The following MMRN1 variants were observed in gnomAD, a reference collection of about 807,000 sequenced individuals.
MMRN1 encodes multimerin-1.
MMRN1 carries 94 observed loss-of-function variants against 100.7 expected under a neutral mutation model. That is an observed-to-expected ratio of 0.93 (90% confidence interval 0.79 to 1.11). The LOEUF is 1.11. MMRN1 is among the 50% of genes least tolerant of loss of function. The probability of loss-of-function intolerance (pLI) is 0.00; values close to 1 mark genes in which losing one functional copy is unlikely to be tolerated. For synonymous variants in MMRN1, 575 were observed against 505.0 expected, an observed-to-expected ratio of 1.14 and a Z score of -1.86; for missense variants, 1,606 against 1,439.1, an observed-to-expected ratio of 1.12 and a Z score of -1.88.
intron 6 of MMRN1, among the ~76,000 whole-genome samples, chr4:89,947,502 T>C (rs962377120): frequency 3.3e-5 from 5 of 152,170 alleles, no homozygotes; most frequent in Admixed American, 6.5e-5. Context: ...AAGGTTGATA[T>C]GAAGTTTAAG....
intron 1 of MMRN1, among the ~76,000 whole-genome samples, chr4:89,889,656 C>T (rs79994234): frequency 0.046 from 6,937 of 152,090 alleles, 217 homozygotes; most frequent in African/African-American, 0.082. Context: ...ATGTGCTGTG[C>T]CCTCTTCCCC....
chr4:89,886,593 T>A (rs991491525), intron 1 of MMRN1, among the ~76,000 whole-genome samples: 15 of 152,306 alleles, frequency 9.8e-5, no homozygotes, highest in African/African-American at 3.4e-4. Context: ...ATATCATTGC[T>A]GATTATGTGA....
At chr4:89,885,607 T>G (rs1356733698) in intron 1 of MMRN1, among the ~76,000 whole-genome samples, 1 of 152,128 alleles carries the variant, frequency 6.6e-6, no homozygotes, top group Non-Finnish European at 1.5e-5. Flanking sequence ...GTTTTCTAAA[T>G]GTCTCTTTCT....
chr4:89,938,078 A>C (rs1722702465), intron 6 of MMRN1, among the ~76,000 whole-genome samples: 1 of 151,884 alleles, frequency 6.6e-6, no homozygotes. Context: ...ATTTCTTTTT[A>C]ATTACAAAGG....
At chr4:89,942,691 C>T (rs748097943) in intron 6 of MMRN1, among the ~76,000 whole-genome samples, 1 of 151,888 alleles carries the variant, frequency 6.6e-6, no homozygotes, top group Non-Finnish European at 1.5e-5. Context: ...CATGAAACTC[C>T]ATTGATATCA....
chr4:89,925,570 G>T (rs193035552), intron 4 of MMRN1, among the ~76,000 whole-genome samples: 1 of 150,974 alleles, frequency 6.6e-6, no homozygotes. Context: ...GGTGGCTCAC[G>T]CCTGTAATCC....
chr4:89,944,173 T>C (rs929983461), intron 6 of MMRN1, among the ~76,000 whole-genome samples: 3 of 152,208 alleles, frequency 2.0e-5, no homozygotes, highest in African/African-American at 7.2e-5. Context: ...TATTCAATTT[T>C]TGACTTTTGT....
Position 89,935,570 on chromosome 4 carries a change from T to C in MMRN1, c.1890T>C (p.Asn630=). 2.5e-6 allele frequency: 4 copies of C among 1,613,492 alleles called. No individual in the cohort carries two copies. Among genetic ancestry groups the C allele is most frequent in the Non-Finnish European group, 3.4e-6 (4 of 1,179,742 alleles). Residue 630 remains asparagine (N), a synonymous_variant, in exon 6 of 8, where the codon AAT becomes AAC. Transcript: ENST00000264790. The stretch of plus-strand genomic sequence containing the variant: ...CTGAAGTTCTCTTTCCAATGGACAA[T>C]AAGATGGACAAAATGAGTGAGCAAC... ...TLAEVLFPMD[N]KMDKMSEQLN... is the part of the protein sequence containing the mutation.
rs765305847 is a variant in MMRN1 at position 89,895,522 on chromosome 4, T to G, written c.551T>G (p.Leu184Arg). Reference protein sequence around the residue: ...VGNRAPRETYLSRGDSSSSQR... With the variant: ...VGNRAPRETYRSRGDSSSSQR... ...AATCGAGCCCCACGGGAAACATACC[T>G]CAGCCGGGGTGACAGCAGTTCCAGC... is the stretch of plus-strand genomic sequence containing the variant. Residue 184 changes from leucine (L) to arginine (R), a missense_variant, in exon 1 of 8, where the codon CTC (leucine) becomes CGC (arginine). Physicochemically the swap from Leu to Arg is moderately radical, Grantham distance 102 (BLOSUM62 -2). Coordinates refer to ENST00000264790, the MANE Select transcript of MMRN1 (RefSeq NM_007351.3). The G allele has an allele frequency of 3.1e-5, 50 of 1,613,750 alleles. No individual in the cohort carries two copies. The highest frequency in any genetic ancestry group is 1.2e-4 in the Admixed American group (7 of 59,970).
intron 5 of MMRN1, among the ~76,000 whole-genome samples, chr4:89,932,955 TTCA>T (rs1485925434): frequency 6.6e-6 from 1 of 152,194 alleles, no homozygotes; most frequent in East Asian, 1.9e-4. Context: ...TCTTTTCTAT[TTCA>T]TCATCAGCCT....
chr4:89,946,915 A>G (rs1162616582), intron 6 of MMRN1, among the ~76,000 whole-genome samples: 2 of 152,020 alleles, frequency 1.3e-5, no homozygotes, highest in Non-Finnish European at 2.9e-5. Context: ...ATCTCCATTA[A>G]AAAAAATGGA....
intron 3 of MMRN1, among the ~76,000 whole-genome samples, chr4:89,912,999 A>ATTTATATATT: frequency 6.6e-6 from 1 of 151,260 alleles, no homozygotes; most frequent in African/African-American, 2.4e-5. Context: ...TTATATTCAG[A>ATTTATATATT]CTACAGAATG....
chr4:89,894,761 C>T, upstream of MMRN1: 1 of 707,634 alleles, frequency 1.4e-6, no homozygotes, highest in Non-Finnish European at 2.1e-6. Context: ...ATAGAGCCAT[C>T]CCACTAGAGG....
At chr4:89,900,154 G>A (rs1257871753) in intron 1 of MMRN1, among the ~76,000 whole-genome samples, 2 of 152,034 alleles carry the variant, frequency 1.3e-5, no homozygotes, top group Non-Finnish European at 2.9e-5. Context: ...GAAGGCAATG[G>A]CAACAACTGC....
intron 3 of MMRN1, among the ~76,000 whole-genome samples, chr4:89,914,816 A>C (rs1721862396): frequency 6.6e-6 from 1 of 151,580 alleles, no homozygotes. Flanking sequence ...AATATTCTGA[A>C]GTGGAACAAG....
At chr4:89,918,645 G>A (rs1721994937) in intron 3 of MMRN1, among the ~76,000 whole-genome samples, 1 of 151,702 alleles carries the variant, frequency 6.6e-6, no homozygotes, top group Admixed American at 6.6e-5. Context: ...GTGTTTACTT[G>A]ATAACACATT....
intron 3 of MMRN1, among the ~76,000 whole-genome samples, chr4:89,921,077 C>T (rs1023757253): frequency 3.3e-5 from 5 of 152,070 alleles, no homozygotes; most frequent in Admixed American, 6.6e-5. Flanking sequence ...ATTATCTTTG[C>T]TTTCACTATA....
chr4:89,931,475 T>C (rs1722432253), intron 5 of MMRN1, among the ~76,000 whole-genome samples: 1 of 152,158 alleles, frequency 6.6e-6, no homozygotes, highest in Non-Finnish European at 1.5e-5. Flanking sequence ...CTGTCTAAAA[T>C]GCTTTGCATT....
chr4:89,893,018 T>G (rs546482510), upstream of MMRN1, among the ~76,000 whole-genome samples: 1 of 152,220 alleles, frequency 6.6e-6, no homozygotes, highest in East Asian at 1.9e-4. Flanking sequence ...ATGAAATTAC[T>G]GCTCTTCCAT....
Sources: allele counts gnomAD v4.1 joint callset (sites outside exome capture counted in the v4.1 genomes callset), GRCh38; gene constraint gnomAD v4.1.1; transcripts MANE v1.5; gene names NCBI Gene and HGNC (gene_info 2026-07-23, HGNC 2026-07-21).